The following LRCH3 variants were observed in gnomAD, a reference collection of about 807,000 sequenced individuals.
The protein encoded by LRCH3 is DISP complex protein LRCH3.
A neutral mutation model predicts 104.5 loss-of-function variants in LRCH3; 68 were observed. The ratio of observed to expected loss-of-function variants is 0.65; its 90% CI spans 0.54 to 0.80. The LOEUF is 0.80. LRCH3 is among the 30% of genes least tolerant of loss of function. The pLI, the probability that LRCH3 is intolerant of heterozygous loss-of-function variation, is 0.00. For missense variants in LRCH3, 951 were observed against 953.9 expected (o/e 1.00, Z 0.04); for synonymous variants, 344 against 361.3 (o/e 0.95, Z 0.54).
chr3:197,873,589 T>A (rs997053556), intron 19 of LRCH3, among the ~76,000 whole-genome samples: 6 of 151,912 alleles, frequency 3.9e-5, no homozygotes, highest in African/African-American at 1.5e-4. Flanking sequence ...CAAAAATACT[T>A]AAAAAAATTA....
intron 20 of LRCH3, chr3:197,881,920 CA>C: frequency 1.0e-6 from 1 of 985,370 alleles, no homozygotes; most frequent in Middle Eastern, 5.2e-4. Flanking sequence ...TTTCACAGGT[CA>C]AAAGACTGTT....
Position 197,817,164 on chromosome 3 carries a change from T to C in LRCH3, c.408-12T>C, listed in dbSNP as rs1462591013. The C allele has an allele frequency of 3.1e-6, 5 of 1,587,536 alleles. No homozygotes were observed. The African/African-American group carries it at 4.1e-5, about 13-fold the overall frequency. On this transcript the variant is annotated splice_polypyrimidine_tract_variant and intron_variant, in intron 2 of 20. Coordinates refer to ENST00000425562, the MANE Select transcript of LRCH3 (RefSeq NM_001365715.1). Reference sequence around the variant, plus strand: ...GACTCTGATTCTTCTCTCTTTCTACTTACCCATTTAGTCGGAACCAACTGT... The same window carrying C: ...GACTCTGATTCTTCTCTCTTTCTACCTACCCATTTAGTCGGAACCAACTGT...
intron 4 of LRCH3, 144 bp downstream of exon 4, chr3:197,820,574 G>T: frequency 3.3e-6 from 2 of 606,344 alleles, no homozygotes; most frequent in East Asian, 5.7e-5. Flanking sequence ...ACTTTGGGAG[G>T]CCGATGAGGG....
At chr3:197,878,324 C>G (rs1299308565) in intron 20 of LRCH3, among the ~76,000 whole-genome samples, 1 of 152,140 alleles carries the variant, frequency 6.6e-6, no homozygotes, top group Non-Finnish European at 1.5e-5. Context: ...CATCAGCCAA[C>G]AAAGTACAAA....
intron 1 of LRCH3, among the ~76,000 whole-genome samples, chr3:197,814,544 CTT>C (rs1192133385): frequency 1.3e-5 from 2 of 152,188 alleles, no homozygotes; most frequent in African/African-American, 4.8e-5. Flanking sequence ...CTGCAGTCAT[CTT>C]TATCAAAGCT....
chr3:197,868,542 G>A (rs9855934), intron 17 of LRCH3, among the ~76,000 whole-genome samples: 4,744 of 152,204 alleles, frequency 0.031, 257 homozygotes, highest in African/African-American at 0.11. Flanking sequence ...TACCAACAAC[G>A]TGTACAAAAA....
At chr3:197,827,240 A>C (rs1475903693) in intron 5 of LRCH3, among the ~76,000 whole-genome samples, 4 of 152,040 alleles carry the variant, frequency 2.6e-5, no homozygotes, top group Non-Finnish European at 4.4e-5. Context: ...TGGTGGAAGC[A>C]TCAGATAAAT....
chr3:197,870,750 G>A (rs939903087), intron 18 of LRCH3, among the ~76,000 whole-genome samples: 2 of 151,008 alleles, frequency 1.3e-5, no homozygotes, highest in Non-Finnish European at 2.9e-5. Flanking sequence ...TGCTGGGATG[G>A]CAGGCGTGAG....
At chr3:197,801,251 G>A (rs901475409) in intron 1 of LRCH3, among the ~76,000 whole-genome samples, 2 of 152,052 alleles carry the variant, frequency 1.3e-5, no homozygotes, top group East Asian at 3.8e-4. Flanking sequence ...AGTGCTAAAA[G>A]TACAAAGAAA....
chr3:197,825,672 G>C (rs192655051), intron 4 of LRCH3, among the ~76,000 whole-genome samples: 9 of 150,780 alleles, frequency 6.0e-5, no homozygotes, highest in African/African-American at 2.2e-4. Context: ...GTAGAGACGG[G>C]GTCTCACCGT....
chr3:197,847,034 CTGTATG>C (rs1167102794), intron 10 of LRCH3, among the ~76,000 whole-genome samples: 9 of 152,094 alleles, frequency 5.9e-5, no homozygotes, highest in African/African-American at 2.2e-4. Flanking sequence ...ATAAAAATGA[CTGTATG>C]TAAAAGGATC....
At chr3:197,864,626 A>G (rs1338110040) in intron 15 of LRCH3, among the ~76,000 whole-genome samples, 1 of 150,254 alleles carries the variant, frequency 6.7e-6, no homozygotes, top group Non-Finnish European at 1.5e-5. Flanking sequence ...AAAAAAAACA[A>G]AAAACAAAAA....
chr3:197,806,269 T>G (rs577033368), intron 1 of LRCH3, among the ~76,000 whole-genome samples: 2 of 152,126 alleles, frequency 1.3e-5, no homozygotes, highest in African/African-American at 2.4e-5. Context: ...TACTAGATAG[T>G]TGAAGAACAT....
chr3:197,813,043 T>C (rs1302726397), intron 1 of LRCH3, among the ~76,000 whole-genome samples: 1 of 152,230 alleles, frequency 6.6e-6, no homozygotes, highest in African/African-American at 2.4e-5. Context: ...TTTTTCCTTT[T>C]TTAATAATAG....
intron 10 of LRCH3, among the ~76,000 whole-genome samples, chr3:197,846,815 A>G (rs1329878883): frequency 6.6e-6 from 1 of 152,204 alleles, no homozygotes; most frequent in African/African-American, 2.4e-5. Flanking sequence ...TTTCAGGAAA[A>G]GGATAAATAG....
At position 197,868,031 on chromosome 3, in the gene LRCH3, C is replaced by CA. The variant is rs371231580; in HGVS notation, c.1873+1820dup. 2.0e-4 allele frequency among the ~76,000 whole-genome samples: 30 copies of CA among 151,390 alleles called. 1 individual carries two copies. The highest frequency in any genetic ancestry group is 7.8e-4 in the East Asian group (4 of 5,158). On this transcript the variant is annotated intron_variant, in intron 17 of 20. Transcript: ENST00000425562. ...AAAGTGAAACCCTGTCTCAAAAAAA[C>CA]AAAAAAAACACAACTTACCTTCAAT...
At chr3:197,802,359 A>T (rs551116340) in intron 1 of LRCH3, among the ~76,000 whole-genome samples, 3 of 152,254 alleles carry the variant, frequency 2.0e-5, no homozygotes, top group Admixed American at 1.3e-4. Flanking sequence ...TTGGCTCACA[A>T]TTTTGGAGGT....
chr3:197,873,753 T>C (rs1236811958), intron 19 of LRCH3, among the ~76,000 whole-genome samples: 1 of 152,094 alleles, frequency 6.6e-6, no homozygotes, highest in East Asian at 1.9e-4. Context: ...CCAGGCACAG[T>C]GGCTCTTGCC....
chr3:197,812,268 T>C (rs922030475), intron 1 of LRCH3, among the ~76,000 whole-genome samples: 8 of 152,184 alleles, frequency 5.3e-5, no homozygotes, highest in Non-Finnish European at 1.2e-4. Flanking sequence ...ATATTTATCC[T>C]TTGATGTCTG....
Sources: allele counts gnomAD v4.1 joint callset (sites outside exome capture counted in the v4.1 genomes callset), GRCh38; gene constraint gnomAD v4.1.1; transcripts MANE v1.5; gene names NCBI Gene and HGNC (gene_info 2026-07-23, HGNC 2026-07-21).